KCNH5: variants seen among roughly 807,000 people sequenced by gnomAD.
KCNH5 encodes voltage-gated delayed rectifier potassium channel KCNH5.
In KCNH5, 46 loss-of-function variants were observed where a neutral mutation model predicts 96.1. That is an observed-to-expected ratio of 0.48 (90% CI 0.38 to 0.61). KCNH5 has a LOEUF of 0.61. Ranked by LOEUF, KCNH5 falls within the 20% of genes least tolerant of loss-of-function variation. The pLI is 0.00. For synonymous variants in KCNH5, 439 were observed against 449.8 expected (o/e 0.98, Z 0.30); for missense variants, 907 against 1,225.8 (o/e 0.74, Z 3.88).
intron 1 of KCNH5, among the ~76,000 whole-genome samples, chr14:63,018,746 G>A (rs569321330): frequency 2.0e-5 from 3 of 152,034 alleles, no homozygotes. Flanking sequence ...TTAAAAAAAT[G>A]TAATTCTCCT....
At chr14:62,991,144 C>G (rs1890801314) in intron 4 of KCNH5, among the ~76,000 whole-genome samples, 1 of 151,972 alleles carries the variant, frequency 6.6e-6, no homozygotes, top group South Asian at 2.1e-4. Context: ...GAATGTTTTA[C>G]TGAATGGTTT....
chr14:62,905,312 T>A (rs1473235312), intron 7 of KCNH5, among the ~76,000 whole-genome samples: 2 of 152,166 alleles, frequency 1.3e-5, no homozygotes, highest in Non-Finnish European at 2.9e-5. Context: ...AAATTATTAA[T>A]GAATATAAAC....
chr14:62,884,568 G>A (rs925736697), intron 7 of KCNH5, among the ~76,000 whole-genome samples: 3 of 152,220 alleles, frequency 2.0e-5, no homozygotes, highest in African/African-American at 7.2e-5. Context: ...GGAGGTTGCA[G>A]TGAGCTGAGA....
intron 8 of KCNH5, among the ~76,000 whole-genome samples, chr14:62,832,978 GC>G (rs1887387490): frequency 7.8e-6 from 1 of 127,736 alleles, no homozygotes; most frequent in Non-Finnish European, 1.7e-5. Flanking sequence ...GTGGGTTTTT[GC>G]TATTGAATTG....
At chr14:62,876,067 T>A (rs1010511786) in intron 7 of KCNH5, among the ~76,000 whole-genome samples, 5 of 152,240 alleles carry the variant, frequency 3.3e-5, no homozygotes, top group Non-Finnish European at 5.9e-5. Context: ...CCTAGGAGGC[T>A]GAGGCAGGAG....
intron 10 of KCNH5, among the ~76,000 whole-genome samples, chr14:62,759,240 C>CTG (rs10669239): frequency 0.59 from 89,933 of 151,692 alleles, 27,116 homozygotes; most frequent in East Asian, 0.86. Context: ...AATTAGTCAG[C>CTG]TGTTTTTGAC....
chr14:62,878,821 C>T (rs1888435662), intron 7 of KCNH5, among the ~76,000 whole-genome samples: 1 of 152,112 alleles, frequency 6.6e-6, no homozygotes, highest in Non-Finnish European at 1.5e-5. Context: ...CTATAGATGG[C>T]TGTCTTCTCC....
At chr14:62,863,401 A>G (rs1888074442) in intron 7 of KCNH5, among the ~76,000 whole-genome samples, 1 of 152,216 alleles carries the variant, frequency 6.6e-6, no homozygotes, top group African/African-American at 2.4e-5. Context: ...AACCATTAAG[A>G]GGGATGAAAT....
At chr14:63,003,544 TATATAG>T (rs1891060542) in intron 3 of KCNH5, among the ~76,000 whole-genome samples, 1 of 99,898 alleles carries the variant, frequency 1.0e-5, no homozygotes, top group Non-Finnish European at 2.0e-5. Flanking sequence ...TTATATATTA[TATATAG>T]TATATATTAT....
chr14:62,760,677 T>A (rs115279626), intron 10 of KCNH5, among the ~76,000 whole-genome samples: 3 of 152,162 alleles, frequency 2.0e-5, no homozygotes, highest in Admixed American at 1.3e-4. Context: ...AATGAATGAC[T>A]TTTTCCAAGA....
At chr14:62,849,121 A>G (rs563603886) in intron 8 of KCNH5, among the ~76,000 whole-genome samples, 2 of 152,216 alleles carry the variant, frequency 1.3e-5, no homozygotes, top group African/African-American at 4.8e-5. Flanking sequence ...GGAGAGGGAG[A>G]TATCTATTTT....
intron 10 of KCNH5, among the ~76,000 whole-genome samples, chr14:62,724,730 T>C (rs1884887192): frequency 6.6e-6 from 1 of 152,234 alleles, no homozygotes; most frequent in Non-Finnish European, 1.5e-5. Context: ...ACCTGTAGTG[T>C]CTAGAGTCAA....
intron 9 of KCNH5, among the ~76,000 whole-genome samples, chr14:62,793,916 C>T (rs1886486408): frequency 6.6e-6 from 1 of 151,850 alleles, no homozygotes; most frequent in Non-Finnish European, 1.5e-5. Context: ...TTAGGAAAGA[C>T]CTCACAAAGA....
At chr14:62,796,765 A>AT (rs1886550708) in intron 9 of KCNH5, among the ~76,000 whole-genome samples, 1 of 152,182 alleles carries the variant, frequency 6.6e-6, no homozygotes, top group Non-Finnish European at 1.5e-5. Flanking sequence ...GGTTTTATAC[A>AT]TTTTAAGGTG....
At chr14:62,882,085 A>C (rs78879784) in intron 7 of KCNH5, among the ~76,000 whole-genome samples, 21,921 of 140,586 alleles carry the variant, frequency 0.16, 1,933 homozygotes, top group East Asian at 0.26. Context: ...GCTAACATAG[A>C]GAAACCCCAT....
intron 7 of KCNH5, among the ~76,000 whole-genome samples, chr14:62,941,792 A>G (rs1048528264): frequency 5.9e-5 from 9 of 152,162 alleles, no homozygotes; most frequent in Admixed American, 1.3e-4. Context: ...GATTTGTAGA[A>G]TAATTTTTTT....
In KCNH5 at chr14:62,857,583, A is replaced by T. The variant is rs367858008; in HGVS notation, c.1370-7731T>A. On this transcript the variant is annotated intron_variant, in intron 7 of 10. Coordinates refer to ENST00000322893, the MANE Select transcript of KCNH5 (RefSeq NM_139318.5). ...CCAACCCGAGTCCCAAAACTGAAGA[A>T]CTTGGAGTCTGATGTTCAATGGCAG... Among the ~76,000 whole-genome samples, 9 of 152,292 alleles carry T rather than the reference A, an allele frequency of 5.9e-5. No homozygotes were observed. The East Asian group carries it at 1.2e-3, about 20-fold the overall frequency.
intron 8 of KCNH5, among the ~76,000 whole-genome samples, chr14:62,806,640 T>C (rs1886772215): frequency 6.6e-6 from 1 of 152,048 alleles, no homozygotes; most frequent in Non-Finnish European, 1.5e-5. Flanking sequence ...GGTTAGAGGC[T>C]CAACTTAGGG....
In KCNH5 at chr14:63,016,761, T is replaced by C. The variant is rs1891333776; in HGVS notation, c.197+70A>G. ...TTGTATATGGGAGTCCAAGTAAGCT[T>C]AAGCCTTTTAATTACATTCAGATTT... is the stretch of plus-strand genomic sequence containing the variant. On this transcript the variant is annotated intron_variant, in intron 2 of 10. Coordinates refer to ENST00000322893, the MANE Select transcript of KCNH5 (RefSeq NM_139318.5). 2.0e-6 allele frequency: 3 copies of C among 1,511,612 alleles called. No individual in the cohort carries two copies. The East Asian group carries it at 6.8e-5, about 34-fold the overall frequency. The allele number at this position is 1,511,612 out of a possible 1,614,324, so 93.6% of individuals were successfully genotyped here. A position where few individuals can be genotyped will look rare whatever the true frequency, so the allele number is the denominator to read the frequency against.
Sources: gnomAD v4.1 joint callset for allele counts (sites outside exome capture counted in the v4.1 genomes callset) on GRCh38, gnomAD v4.1.1 for gene constraint, MANE v1.5 for transcripts, NCBI Gene and HGNC (gene_info 2026-07-23, HGNC 2026-07-21) for gene names.